The following RIPOR2 variants were observed in gnomAD, a reference collection of about 807,000 sequenced individuals.
The protein encoded by RIPOR2 is rho family-interacting cell polarization regulator 2.
Under a neutral mutation model 114.5 loss-of-function variants are expected in RIPOR2, and 39 were observed. That is an observed-to-expected ratio of 0.34 (90% CI 0.26 to 0.44). The LOEUF is 0.44. RIPOR2 is among the 20% of genes least tolerant of loss of function. The probability of loss-of-function intolerance (pLI) is 1.00; values close to 1 mark genes in which losing one functional copy is unlikely to be tolerated. For missense variants in RIPOR2, 1,007 were observed against 1,255.1 expected (o/e 0.80, Z 2.99); for synonymous variants, 445 against 484.4 (o/e 0.92, Z 1.07).
intron 1 of RIPOR2, among the ~76,000 whole-genome samples, chr6:24,982,306 C>T (rs1009629575): frequency 2.0e-5 from 3 of 152,198 alleles, no homozygotes; most frequent in Non-Finnish European, 4.4e-5. Context: ...TGTTCTACTT[C>T]CAGGATCCAC....
upstream of RIPOR2, among the ~76,000 whole-genome samples, chr6:24,940,217 G>GA (rs141069342): frequency 9.9e-5 from 15 of 151,586 alleles, no homozygotes; most frequent in East Asian, 2.5e-3. Flanking sequence ...TTGCTGTTTT[G>GA]AAAAAAAATA....
At chr6:24,850,570 A>G (rs751195342) in intron 10 of RIPOR2, 27 bp downstream of exon 10, 1 of 1,613,492 alleles carries the variant, frequency 6.2e-7, no homozygotes, top group East Asian at 2.2e-5. Flanking sequence ...GCACCAGGAA[A>G]GACAACAGGC....
chr6:25,021,783 G>T (rs1776334687), intron 1 of RIPOR2, among the ~76,000 whole-genome samples: 2 of 152,086 alleles, frequency 1.3e-5, no homozygotes, highest in African/African-American at 4.8e-5. Flanking sequence ...AAAACCTATA[G>T]AATTAAAAAG....
chr6:24,839,533 A>G, intron 13 of RIPOR2: 1 of 1,410,304 alleles, frequency 7.1e-7, no homozygotes, highest in Non-Finnish European at 9.7e-7. Flanking sequence ...AAGATTGGCC[A>G]TGAGTTGATC....
intron 14 of RIPOR2, 111 bp downstream of exon 14, chr6:24,838,980 G>T: frequency 1.2e-6 from 1 of 859,888 alleles, no homozygotes. Flanking sequence ...CACTCATGTG[G>T]AGAGTTTTAT....
At chr6:25,041,696 A>AGATCTCGGTGGTCG in intron 1 of RIPOR2, 8 of 585,806 alleles carry the variant, frequency 1.4e-5, no homozygotes, top group Admixed American at 6.4e-5. Context: ...GTAAAAAAAT[A>AGATCTCGGTGGTCG]CCAAAGTCCA....
chr6:24,905,659 T>C (rs143371294), intron 1 of RIPOR2, among the ~76,000 whole-genome samples: 17 of 152,306 alleles, frequency 1.1e-4, no homozygotes, highest in African/African-American at 3.6e-4. Context: ...AAAAAGTAGA[T>C]AAATCAAGCG....
intron 1 of RIPOR2, among the ~76,000 whole-genome samples, chr6:24,981,773 C>G (rs1055814366): frequency 6.6e-6 from 1 of 152,216 alleles, no homozygotes; most frequent in African/African-American, 2.4e-5. Context: ...GTGTTGTCAT[C>G]TATGAAATAA....
At chr6:24,916,349 AATCACAC>A (rs1770078960) in intron 1 of RIPOR2, among the ~76,000 whole-genome samples, 1 of 152,222 alleles carries the variant, frequency 6.6e-6, no homozygotes, top group African/African-American at 2.4e-5. Context: ...GTGCAGACTC[AATCACAC>A]ATCTTCCATT....
At chr6:24,920,708 T>C (rs1770419443) in intron 1 of RIPOR2, among the ~76,000 whole-genome samples, 1 of 152,220 alleles carries the variant, frequency 6.6e-6, no homozygotes, top group Non-Finnish European at 1.5e-5. Flanking sequence ...CCACAATTTA[T>C]ATGTATACTA....
rs367651508 is a variant in RIPOR2 at position 24,844,314 on chromosome 6, T to C, written c.1165-760A>G. 3.2e-4 allele frequency among the ~76,000 whole-genome samples: 49 copies of C among 152,112 alleles called. 1 individual carries two copies. In the South Asian group the frequency reaches 7.3e-3, roughly 23 times the overall value. On this transcript the variant is annotated intron_variant, in intron 12 of 21. Coordinates refer to ENST00000643898, the MANE Select transcript of RIPOR2 (RefSeq NM_001286445.3). The stretch of plus-strand genomic sequence containing the variant: ...GAACTCTGAAGAGAGAGGCCAGAAA[T>C]ATCCAGGTAACCAAGATCATTCATT...
intron 1 of RIPOR2, among the ~76,000 whole-genome samples, chr6:25,006,093 A>T (rs1775553674): frequency 6.6e-6 from 1 of 152,230 alleles, no homozygotes; most frequent in Non-Finnish European, 1.5e-5. Flanking sequence ...ACAGAAAATC[A>T]TAAAAGGAAA....
intron 1 of RIPOR2, among the ~76,000 whole-genome samples, chr6:25,038,640 C>T (rs1323815333): frequency 6.6e-6 from 1 of 152,216 alleles, no homozygotes; most frequent in Non-Finnish European, 1.5e-5. Flanking sequence ...ATTCTGCCCA[C>T]AACCATTGAG....
rs545024576 is a variant in RIPOR2 at position 24,882,717 on chromosome 6, T to C, written c.62-6900A>G. ...AGCTCTTCCCTTCTCATATAAAGCA[T>C]AATAATTTGAGCATATTGCATGCAA... On this transcript the variant is annotated intron_variant, in intron 1 of 21. Transcript: ENST00000643898. 1.2e-4 allele frequency among the ~76,000 whole-genome samples: 18 copies of C among 152,340 alleles called. 2 individuals are homozygous for C. The South Asian group carries it at 3.5e-3, about 30-fold the overall frequency.
At chr6:24,908,154 C>T (rs1046753280) in intron 1 of RIPOR2, among the ~76,000 whole-genome samples, 6 of 152,180 alleles carry the variant, frequency 3.9e-5, no homozygotes, top group Middle Eastern at 6.3e-3. Flanking sequence ...ACAGGACCAC[C>T]GGTGCAGGAA....
chr6:24,916,247 T>A (rs1414319572), intron 1 of RIPOR2, among the ~76,000 whole-genome samples: 1 of 152,182 alleles, frequency 6.6e-6, no homozygotes, highest in Admixed American at 6.5e-5. Context: ...GCCTGGCCCA[T>A]GAAGCCCTGT....
intron 20 of RIPOR2, among the ~76,000 whole-genome samples, chr6:24,818,050 A>G (rs928605580): frequency 1.4e-5 from 2 of 138,512 alleles, no homozygotes; most frequent in South Asian, 2.3e-4. Context: ...GCTCACTGCA[A>G]CTTCCTGGGT....
intron 1 of RIPOR2, among the ~76,000 whole-genome samples, chr6:24,942,260 A>C (rs1772172764): frequency 6.6e-6 from 1 of 152,234 alleles, no homozygotes; most frequent in African/African-American, 2.4e-5. Context: ...CAAGGAACTG[A>C]AGGAAGATCT....
chr6:24,917,750 C>T (rs565822030), intron 1 of RIPOR2, among the ~76,000 whole-genome samples: 21 of 152,258 alleles, frequency 1.4e-4, no homozygotes, highest in South Asian at 4.1e-4. Context: ...AGGCTGGTCT[C>T]GAACCCCTGA....
Sources: allele counts gnomAD v4.1 joint callset (sites outside exome capture counted in the v4.1 genomes callset), GRCh38; gene constraint gnomAD v4.1.1; transcripts MANE v1.5; gene names NCBI Gene and HGNC (gene_info 2026-07-23, HGNC 2026-07-21).